The following UGGT2 variants were observed in gnomAD, a reference collection of about 807,000 sequenced individuals.
The protein encoded by UGGT2 is UDP-glucose:glycoprotein glucosyltransferase 2.
Under a neutral mutation model 192.1 loss-of-function variants are expected in UGGT2, and 180 were observed. The observed-to-expected ratio is 0.94, with a 90% CI of 0.83 to 1.06. The LOEUF (loss-of-function observed/expected upper bound fraction) is 1.06. Among genes scored for constraint, UGGT2 ranks in the 50% least tolerant of loss-of-function variants. The pLI, the probability that UGGT2 is intolerant of heterozygous loss-of-function variation, is 0.00. For synonymous variants in UGGT2, 580 were observed against 591.0 expected, an observed-to-expected ratio of 0.98 and a Z score of 0.27; for missense variants, 1,849 against 1,795.7, an observed-to-expected ratio of 1.03 and a Z score of -0.54.
intron 10 of UGGT2, among the ~76,000 whole-genome samples, chr13:95,978,703 T>C (rs1250539578): frequency 2.0e-5 from 3 of 152,212 alleles, no homozygotes; most frequent in South Asian, 2.1e-4. Flanking sequence ...GATTTTCGTA[T>C]ATGGTGAGAG....
intron 4 of UGGT2, among the ~76,000 whole-genome samples, chr13:96,021,770 A>G (rs1468207725): frequency 2.6e-5 from 4 of 152,214 alleles, no homozygotes; most frequent in Non-Finnish European, 1.5e-5. Context: ...TTGAAAAAAT[A>G]ATTGATAAAA....
chr13:96,003,700 A>G (rs569929609), intron 5 of UGGT2, among the ~76,000 whole-genome samples: 1 of 152,302 alleles, frequency 6.6e-6, no homozygotes, highest in East Asian at 1.9e-4. Flanking sequence ...AACTCCAGCT[A>G]TCAGCCTGAA....
At chr13:95,955,409 C>CA (rs2050184145) in intron 12 of UGGT2, among the ~76,000 whole-genome samples, 1 of 152,102 alleles carries the variant, frequency 6.6e-6, no homozygotes, top group Non-Finnish European at 1.5e-5. Flanking sequence ...GTGGGAAATG[C>CA]AAGCTTAAGA....
intron 17 of UGGT2, among the ~76,000 whole-genome samples, chr13:95,929,903 C>A (rs980089211): frequency 2.0e-5 from 3 of 152,316 alleles, no homozygotes; most frequent in African/African-American, 7.2e-5. Flanking sequence ...TCCCCACTAA[C>A]AGTGTATATG....
rs201796523 is a variant in UGGT2 at position 95,932,311 on chromosome 13, T to G, written c.1977+4613A>C. On this transcript the variant is annotated intron_variant, in intron 17 of 38. Coordinates refer to ENST00000376747, the MANE Select transcript of UGGT2 (RefSeq NM_020121.4). The stretch of plus-strand genomic sequence containing the variant: ...TTAGCTGTATTCCTAGGTATTTTAT[T>G]TGTGTGTGTGTGTGTGTGTGTGTGT... Among the ~76,000 whole-genome samples the G allele has an allele frequency of 6.2e-4, 87 of 139,506 alleles. 1 individual carries two copies. The Middle Eastern group carries it at 0.011, about 18-fold the overall frequency. The allele number at this position is 139,506 out of a possible 152,430, so 91.5% of individuals were successfully genotyped here. A position where few individuals can be genotyped will look rare whatever the true frequency, so the allele number is the denominator to read the frequency against.
In UGGT2 at chr13:95,831,635, G is replaced by A. The variant is rs768237258; in HGVS notation, c.4528+1292C>T. Among the ~76,000 whole-genome samples, 54 of 151,350 alleles carry A rather than the reference G, an allele frequency of 3.6e-4. 1 individual carries two copies. Among genetic ancestry groups the A allele is most frequent in the Non-Finnish European group, 1.3e-4 (9 of 67,828 alleles). ...GTTGAAGTGAATTGCTGGGTGAAAG[G>A]GTATACAAATTTTAAGTTTTTATAC... On this transcript the variant is annotated intron_variant, in intron 38 of 38. Transcript: ENST00000376747.
chr13:95,839,239 T>C (rs1015257546), intron 36 of UGGT2, among the ~76,000 whole-genome samples: 5 of 152,130 alleles, frequency 3.3e-5, no homozygotes, highest in African/African-American at 7.2e-5. Flanking sequence ...CAATTATATA[T>C]ATGGGTCTAC....
intron 29 of UGGT2, 46 bp from the exon 30 acceptor site, chr13:95,867,469 A>T: frequency 6.8e-7 from 1 of 1,472,208 alleles, no homozygotes; most frequent in Non-Finnish European, 9.4e-7. Context: ...GAATAGACAT[A>T]CAATTATGAT....
At chr13:95,882,385 T>C (rs9561969) in intron 27 of UGGT2, among the ~76,000 whole-genome samples, 60,427 of 152,028 alleles carry the variant, frequency 0.4, 12,173 homozygotes, top group Middle Eastern at 0.42. Context: ...GGAATATTTG[T>C]ACAAGTTAGT....
At chr13:95,887,180 A>T (rs2047668859) in intron 26 of UGGT2, 1 of 405,940 alleles carries the variant, frequency 2.5e-6, no homozygotes, top group Non-Finnish European at 5.0e-6. Context: ...GTGTGTATGC[A>T]TACATTTTTT....
At chr13:95,983,648 T>C in intron 10 of UGGT2, 156 bp downstream of exon 10, 1 of 679,894 alleles carries the variant, frequency 1.5e-6, no homozygotes, top group East Asian at 2.8e-5. Flanking sequence ...TAAATGCTCA[T>C]ATAGTCCACA....
At chr13:96,037,040 A>G (rs2053025505) in intron 1 of UGGT2, among the ~76,000 whole-genome samples, 1 of 152,364 alleles carries the variant, frequency 6.6e-6, no homozygotes, top group African/African-American at 2.4e-5. Context: ...CCCAGAGAAA[A>G]CAGTTATTTC....
rs986737810 is a variant in UGGT2 at position 96,053,386 on chromosome 13, T to C, written c.-74A>G. On this transcript the variant is annotated 5_prime_UTR_variant, in exon 1 of 39. Coordinates refer to ENST00000376747, the MANE Select transcript of UGGT2 (RefSeq NM_020121.4). ...GTGGCCGCCACGCTTCGGCCGGCTC[T>C]TCCCGCTGCGCGGCTGCCCACTTCC... is the stretch of plus-strand genomic sequence containing the variant. 1.3e-6 allele frequency: 2 copies of C among 1,516,424 alleles called. No homozygotes were observed. Among genetic ancestry groups the C allele is most frequent in the Non-Finnish European group, 1.8e-6 (2 of 1,141,348 alleles). 93.9% of individuals were successfully genotyped at this position (1,516,424 alleles called of 1,614,324 possible).
At chr13:95,958,628 G>A (rs1277665899) in intron 12 of UGGT2, among the ~76,000 whole-genome samples, 5 of 144,284 alleles carry the variant, frequency 3.5e-5, no homozygotes, top group Admixed American at 2.1e-4. Context: ...GGGGCTTCAA[G>A]ATGGCTGAAT....
intron 5 of UGGT2, among the ~76,000 whole-genome samples, chr13:96,004,564 AATGTGCAGGTTAGTTACAT>A (rs1181999238): frequency 7.2e-5 from 11 of 152,138 alleles, no homozygotes; most frequent in African/African-American, 2.7e-4. Context: ...ACATGTGCAC[AATGTGCAGGTTAGTTACAT>A]ATGTGCAGGT....
chr13:95,928,142 C>T (rs2049093256), intron 17 of UGGT2, among the ~76,000 whole-genome samples: 1 of 152,248 alleles, frequency 6.6e-6, no homozygotes, highest in South Asian at 2.1e-4. Flanking sequence ...ACAAAACCGC[C>T]ATCGTCATCA....
intron 1 of UGGT2, among the ~76,000 whole-genome samples, chr13:96,052,927 G>C (rs1427885625): frequency 2.0e-5 from 3 of 152,222 alleles, no homozygotes; most frequent in Non-Finnish European, 4.4e-5. Context: ...TTTAAAAATC[G>C]TAGGTAAAGT....
intron 20 of UGGT2, among the ~76,000 whole-genome samples, chr13:95,921,980 G>A (rs925705599): frequency 2.0e-4 from 30 of 152,302 alleles, no homozygotes; most frequent in African/African-American, 6.5e-4. Flanking sequence ...CTGCACTCAT[G>A]TTTATCACAG....
chr13:95,972,606 A>AC lies in UGGT2; in HGVS notation c.1157_1158insG (p.Asp387Ter). Reference sequence around the variant, plus strand: ...TAAAAGCGTCATAAACATCCATATCAACACGAAGGCCATTTATAAATAGAC... The same window carrying AC: ...TAAAAGCGTCATAAACATCCATATCACACACGAAGGCCATTTATAAATAGAC... On this transcript the variant is annotated frameshift_variant, in exon 11 of 39. Transcript: ENST00000376747. LOFTEE classifies it high-confidence loss of function. The AC allele has an allele frequency of 1.2e-6, 2 of 1,613,722 alleles. No individual in the cohort carries two copies. Among genetic ancestry groups the AC allele is most frequent in the Non-Finnish European group, 1.7e-6 (2 of 1,179,774 alleles).
Sources: gnomAD v4.1 joint callset for allele counts (sites outside exome capture counted in the v4.1 genomes callset) on GRCh38, gnomAD v4.1.1 for gene constraint, MANE v1.5 for transcripts, NCBI Gene and HGNC (gene_info 2026-07-23, HGNC 2026-07-21) for gene names.